FARS2: variants seen among roughly 807,000 people sequenced by gnomAD.
FARS2 encodes phenylalanyl-tRNA synthetase 2, mitochondrial.
A neutral mutation model predicts 46.4 loss-of-function variants in FARS2; 40 were observed. The ratio of observed to expected loss-of-function variants is 0.86; its 90% CI spans 0.67 to 1.12. FARS2 has a LOEUF of 1.12. Among genes scored for constraint, FARS2 ranks in the 50% most tolerant of loss-of-function variants. FARS2 has a pLI of 0.00. For missense variants in FARS2, 513 were observed against 567.9 expected (o/e 0.90, Z 0.98); for synonymous variants, 234 against 214.9 (o/e 1.09, Z -0.78).
At chr6:5,456,022 G>A (rs916646183) in intron 4 of FARS2, among the ~76,000 whole-genome samples, 1 of 152,130 alleles carries the variant, frequency 6.6e-6, no homozygotes, top group Non-Finnish European at 1.5e-5. Context: ...TACAAGACCA[G>A]CCAGGGAAAC....
chr6:5,414,314 T>C (rs1205103108), intron 3 of FARS2, among the ~76,000 whole-genome samples: 4 of 152,218 alleles, frequency 2.6e-5, no homozygotes. Flanking sequence ...ACTTTTGACA[T>C]AATTATACAC....
chr6:5,358,656 A>G (rs1758092603), intron 1 of FARS2, among the ~76,000 whole-genome samples: 1 of 152,210 alleles, frequency 6.6e-6, no homozygotes, highest in Non-Finnish European at 1.5e-5. Flanking sequence ...AAGCAAAAGA[A>G]TGATTGGGAA....
intron 1 of FARS2, among the ~76,000 whole-genome samples, chr6:5,345,210 A>C (rs1182673212): frequency 2.6e-5 from 4 of 151,648 alleles, no homozygotes; most frequent in African/African-American, 9.7e-5. Context: ...TAAAAAAAAA[A>C]CGCCATTATA....
rs556800760 is a variant in FARS2 at position 5,510,192 on chromosome 6, A to AT, written c.905-34979dup. Among the ~76,000 whole-genome samples the AT allele has an allele frequency of 9.0e-4, 136 of 151,772 alleles. 3 individuals are homozygous for AT. In the South Asian group the frequency reaches 0.023, roughly 26 times the overall value. On this transcript the variant is annotated intron_variant, in intron 4 of 6. Transcript: ENST00000274680. Reference sequence around the variant, plus strand: ...AAACAAAGATTTTGCCTCATTTCAAATTTTTTTTTAGTTCAGTGATTCTGT... The same window carrying AT: ...AAACAAAGATTTTGCCTCATTTCAAATTTTTTTTTTAGTTCAGTGATTCTGT...
chr6:5,455,174 G>A (rs917525093), intron 4 of FARS2, among the ~76,000 whole-genome samples: 1 of 152,116 alleles, frequency 6.6e-6, no homozygotes, highest in African/African-American at 2.4e-5. Flanking sequence ...AACCGTCTTG[G>A]TTATTGCTTA....
At chr6:5,270,191 C>A (rs1450206106) in intron 1 of FARS2, among the ~76,000 whole-genome samples, 1 of 152,166 alleles carries the variant, frequency 6.6e-6, no homozygotes, top group Non-Finnish European at 1.5e-5. Flanking sequence ...GCTTAGCAGG[C>A]AGCATACTTT....
chr6:5,290,826 C>T (rs917364672), intron 1 of FARS2, among the ~76,000 whole-genome samples: 1 of 152,204 alleles, frequency 6.6e-6, no homozygotes, highest in African/African-American at 2.4e-5. Flanking sequence ...CAGCCTTCCA[C>T]CTCCCACCTC....
intron 4 of FARS2, among the ~76,000 whole-genome samples, chr6:5,531,719 A>G (rs1166473033): frequency 1.3e-5 from 2 of 152,242 alleles, no homozygotes; most frequent in Non-Finnish European, 2.9e-5. Flanking sequence ...ATCTTTGGGC[A>G]GAGCTTGGAA....
intron 1 of FARS2, among the ~76,000 whole-genome samples, chr6:5,295,455 G>A (rs1767788549): frequency 6.6e-6 from 1 of 152,072 alleles, no homozygotes. Flanking sequence ...GTAATCTGAT[G>A]CTAGCTGAAC....
intron 1 of FARS2, among the ~76,000 whole-genome samples, chr6:5,327,037 C>T (rs771645188): frequency 2.0e-5 from 3 of 152,140 alleles, no homozygotes; most frequent in Non-Finnish European, 4.4e-5. Context: ...TTAGGTCGCT[C>T]ACCAATGGAG....
intron 1 of FARS2, among the ~76,000 whole-genome samples, chr6:5,334,187 G>C (rs1770994886): frequency 6.6e-6 from 1 of 152,168 alleles, no homozygotes; most frequent in Non-Finnish European, 1.5e-5. Flanking sequence ...AACTATTGTA[G>C]TAAAACTACT....
intron 4 of FARS2, among the ~76,000 whole-genome samples, chr6:5,529,365 T>G (rs1490774197): frequency 6.6e-6 from 1 of 152,190 alleles, no homozygotes. Flanking sequence ...TGCAGTGCAG[T>G]GGCACAATCT....
intron 1 of FARS2, among the ~76,000 whole-genome samples, chr6:5,289,055 G>A (rs1767326046): frequency 6.6e-6 from 1 of 152,282 alleles, no homozygotes; most frequent in Admixed American, 6.5e-5. Flanking sequence ...TAGAGTGGGA[G>A]AATTTTGATG....
intron 4 of FARS2, among the ~76,000 whole-genome samples, chr6:5,475,160 G>A (rs926563348): frequency 6.6e-6 from 1 of 152,220 alleles, no homozygotes; most frequent in African/African-American, 2.4e-5. Context: ...GGGTACTGGG[G>A]AAGGTTTTGT....
intron 4 of FARS2, among the ~76,000 whole-genome samples, chr6:5,432,350 ATTATATATATATAATATAT>A (rs1763246378): frequency 6.5e-5 from 2 of 30,872 alleles, no homozygotes; most frequent in Non-Finnish European, 1.4e-4. Context: ...ATATATATAT[ATTATATATATATAATATAT>A]TATATATTTA....
chr6:5,473,345 C>T (rs954685633), intron 4 of FARS2, among the ~76,000 whole-genome samples: 3 of 151,644 alleles, frequency 2.0e-5, no homozygotes, highest in Non-Finnish European at 4.4e-5. Flanking sequence ...GCTAACACAG[C>T]GAAACCCCGT....
At chr6:5,580,285 G>A (rs1403347089) in intron 5 of FARS2, among the ~76,000 whole-genome samples, 1 of 53,766 alleles carries the variant, frequency 1.9e-5, no homozygotes, top group South Asian at 1.0e-3. Context: ...GGAAGACTCC[G>A]TCTCAAAAAA....
chr6:5,434,542 G>C (rs989070142), intron 4 of FARS2, among the ~76,000 whole-genome samples: 4 of 152,326 alleles, frequency 2.6e-5, no homozygotes, highest in Admixed American at 2.6e-4. Context: ...GTTCTGCTCT[G>C]TGTTCTCAAA....
At chr6:5,473,103 G>A (rs1195229426) in intron 4 of FARS2, among the ~76,000 whole-genome samples, 2 of 151,916 alleles carry the variant, frequency 1.3e-5, no homozygotes, top group Admixed American at 6.5e-5. Context: ...TGTTACTTTT[G>A]GTGTTATCTA....
Sources: gnomAD v4.1 joint callset for allele counts (sites outside exome capture counted in the v4.1 genomes callset) on GRCh38, gnomAD v4.1.1 for gene constraint, MANE v1.5 for transcripts, NCBI Gene and HGNC (gene_info 2026-07-23, HGNC 2026-07-21) for gene names.